The following ASIC2 variants were observed in gnomAD, a reference collection of about 807,000 sequenced individuals.
ASIC2 encodes acid-sensing ion channel 2.
Under a neutral mutation model 57.3 loss-of-function variants are expected in ASIC2, and 25 were observed. The observed-to-expected ratio is 0.44, with a 90% CI of 0.32 to 0.61. ASIC2 has a LOEUF of 0.61. Ranked by LOEUF, ASIC2 falls within the 20% of genes least tolerant of loss-of-function variation. The pLI is 0.06. For synonymous variants in ASIC2, 319 were observed against 307.5 expected, an observed-to-expected ratio of 1.04 and a Z score of -0.39; for missense variants, 641 against 738.1, an observed-to-expected ratio of 0.87 and a Z score of 1.52.
At chr17:33,868,181 ATGTG>A (rs142553706) in intron 1 of ASIC2, among the ~76,000 whole-genome samples, 2 of 150,126 alleles carry the variant, frequency 1.3e-5, no homozygotes, top group East Asian at 1.9e-4. Flanking sequence ...CAACAAATGT[ATGTG>A]TGTGTGTGTA....
chr17:33,179,540 C>T lies in ASIC2; in HGVS notation c.709-67473G>A, dbSNP rs192278391. Among the ~76,000 whole-genome samples the T allele has an allele frequency of 1.9e-3, 293 of 152,214 alleles. 3 individuals carry two copies. The highest frequency in any genetic ancestry group is 3.8e-4 in the Non-Finnish European group (26 of 68,014). On this transcript the variant is annotated intron_variant, in intron 1 of 9. Transcript: ENST00000225823. ...AAATGTCCCCTGCTTTATATAAAGC[C>T]GTTTTGGGACTCTTTCTAGTATAAA...
At chr17:33,470,081 C>G (rs537830828) in intron 1 of ASIC2, among the ~76,000 whole-genome samples, 1 of 152,196 alleles carries the variant, frequency 6.6e-6, no homozygotes, top group African/African-American at 2.4e-5. Context: ...TGCAGAGACT[C>G]AGAGCTGGGA....
chr17:33,632,769 A>T (rs1322218786), intron 1 of ASIC2, among the ~76,000 whole-genome samples: 2 of 151,902 alleles, frequency 1.3e-5, no homozygotes, highest in Non-Finnish European at 2.9e-5. Context: ...ACCTTTTCTG[A>T]CTCTTCTTGA....
At chr17:33,877,095 A>C (rs425255) in intron 1 of ASIC2, among the ~76,000 whole-genome samples, 135,876 of 152,248 alleles carry the variant, frequency 0.89, 60,867 homozygotes, top group African/African-American at 0.97. Flanking sequence ...TTTTTTCTCC[A>C]CAGTATGATA....
chr17:33,313,143 GC>G (rs924315635), intron 1 of ASIC2, among the ~76,000 whole-genome samples: 1 of 151,832 alleles, frequency 6.6e-6, no homozygotes, highest in Non-Finnish European at 1.5e-5. Flanking sequence ...TATAGTGAGA[GC>G]CCCCATCTCA....
chr17:33,787,642 G>A (rs1911646430), intron 1 of ASIC2, among the ~76,000 whole-genome samples: 1 of 152,186 alleles, frequency 6.6e-6, no homozygotes, highest in South Asian at 2.1e-4. Flanking sequence ...ATGTAGGGGA[G>A]GGTGACAAGT....
chr17:33,668,943 C>T (rs1345062511), intron 1 of ASIC2, among the ~76,000 whole-genome samples: 1 of 152,208 alleles, frequency 6.6e-6, no homozygotes, highest in Non-Finnish European at 1.5e-5. Context: ...AATTTCCCTT[C>T]CTTGAATCTA....
At chr17:33,447,225 G>T (rs1415266893) in intron 1 of ASIC2, among the ~76,000 whole-genome samples, 1 of 152,170 alleles carries the variant, frequency 6.6e-6, no homozygotes, top group Non-Finnish European at 1.5e-5. Context: ...GGGGGTTGAG[G>T]TGGGTGGCCG....
chr17:34,113,991 C>T (rs1271642456), intron 1 of ASIC2, among the ~76,000 whole-genome samples: 1 of 152,206 alleles, frequency 6.6e-6, no homozygotes, highest in Non-Finnish European at 1.5e-5. Context: ...ACCAGATCTG[C>T]ATTTAGTCAT....
chr17:33,186,728 C>G (rs1222658337), intron 1 of ASIC2, among the ~76,000 whole-genome samples: 1 of 152,170 alleles, frequency 6.6e-6, no homozygotes, highest in Non-Finnish European at 1.5e-5. Context: ...AAAGCTGATC[C>G]TCTTACAACT....
intron 1 of ASIC2, among the ~76,000 whole-genome samples, chr17:33,733,094 T>TA (rs1311131049): frequency 1.3e-5 from 2 of 151,904 alleles, no homozygotes; most frequent in African/African-American, 2.4e-5. Flanking sequence ...TTTATTTTTT[T>TA]AAAAAAACTT....
chr17:33,460,386 G>A (rs1021306793), intron 1 of ASIC2, among the ~76,000 whole-genome samples: 5 of 152,096 alleles, frequency 3.3e-5, no homozygotes, highest in Non-Finnish European at 4.4e-5. Flanking sequence ...GAATTAGTGC[G>A]GCCCTTTATT....
At chr17:33,160,809 G>A (rs529326826) in intron 1 of ASIC2, among the ~76,000 whole-genome samples, 5 of 152,042 alleles carry the variant, frequency 3.3e-5, no homozygotes, top group Non-Finnish European at 5.9e-5. Flanking sequence ...TGTTCATGGC[G>A]GGGGGAGAGG....
intron 1 of ASIC2, among the ~76,000 whole-genome samples, chr17:33,523,060 A>G (rs1253620919): frequency 6.6e-6 from 1 of 152,202 alleles, no homozygotes; most frequent in Non-Finnish European, 1.5e-5. Flanking sequence ...CTGGGCCTCA[A>G]TCTTCTTTTT....
At chr17:33,349,752 G>A (rs1214365608) in intron 1 of ASIC2, among the ~76,000 whole-genome samples, 2 of 152,152 alleles carry the variant, frequency 1.3e-5, no homozygotes, top group African/African-American at 4.8e-5. Flanking sequence ...ATGTACTCAA[G>A]TCTCTGCAAC....
intron 6 of ASIC2, among the ~76,000 whole-genome samples, chr17:33,022,079 G>T (rs2091838191): frequency 6.6e-6 from 1 of 152,172 alleles, no homozygotes; most frequent in Admixed American, 6.5e-5. Context: ...TCTGGGGACA[G>T]TGTTGGCAAG....
chr17:33,674,718 T>G (rs1907755698), intron 1 of ASIC2, among the ~76,000 whole-genome samples: 1 of 152,206 alleles, frequency 6.6e-6, no homozygotes, highest in African/African-American at 2.4e-5. Flanking sequence ...TCCATGCCGC[T>G]CGTTCTGTGA....
chr17:33,728,972 C>T (rs774456581), intron 1 of ASIC2, among the ~76,000 whole-genome samples: 59 of 152,102 alleles, frequency 3.9e-4, no homozygotes, highest in Non-Finnish European at 7.1e-4. Context: ...CCATCACCCC[C>T]GACAACATAA....
chr17:33,146,176 C>A (rs995725343), intron 1 of ASIC2, among the ~76,000 whole-genome samples: 16 of 152,108 alleles, frequency 1.1e-4, no homozygotes, highest in African/African-American at 3.9e-4. Context: ...AATGACGAAT[C>A]CCTGGAAGTC....
Sources: allele counts gnomAD v4.1 joint callset (sites outside exome capture counted in the v4.1 genomes callset), GRCh38; gene constraint gnomAD v4.1.1; transcripts MANE v1.5; gene names NCBI Gene and HGNC (gene_info 2026-07-23, HGNC 2026-07-21).